The following ARHGAP39 variants were observed in gnomAD, a reference collection of about 807,000 sequenced individuals.
ARHGAP39 encodes rho GTPase-activating protein 39.
ARHGAP39 carries 44 observed loss-of-function variants against 106.9 expected under a neutral mutation model. The observed-to-expected ratio is 0.41, with a 90% CI of 0.32 to 0.53. ARHGAP39 has a LOEUF of 0.53. Ranked by LOEUF, ARHGAP39 falls within the 20% of genes least tolerant of loss-of-function variation. ARHGAP39 has a pLI of 0.21. For missense variants in ARHGAP39, 1,496 were observed against 1,577.3 expected, an observed-to-expected ratio of 0.95 and a Z score of 0.87; for synonymous variants, 768 against 693.2, an observed-to-expected ratio of 1.11 and a Z score of -1.69.
intron 3 of ARHGAP39, among the ~76,000 whole-genome samples, chr8:144,567,380 A>G (rs1818434079): frequency 6.6e-6 from 1 of 152,238 alleles, no homozygotes; most frequent in African/African-American, 2.4e-5. Flanking sequence ...TCCTTGGTCT[A>G]GCGGTAACGC....
At chr8:144,698,834 C>T in the ARHGAP39 span, 1 of 455,970 alleles carries the variant, frequency 2.2e-6, no homozygotes, top group South Asian at 1.5e-5. Flanking sequence ...GAGGACACAG[C>T]TTCACCTCTA....
the ARHGAP39 span, among the ~76,000 whole-genome samples, chr8:144,693,662 C>T: frequency 0.02 from 3,120 of 152,206 alleles, 100 homozygotes; most frequent in African/African-American, 0.072. Context: ...CGTGAGCCAC[C>T]GCGCCCAGCC....
upstream of ARHGAP39, among the ~76,000 whole-genome samples, chr8:144,688,763 C>T (rs1158376328): frequency 6.6e-6 from 1 of 152,138 alleles, no homozygotes; most frequent in Non-Finnish European, 1.5e-5. Flanking sequence ...GAACATAGCA[C>T]GCTCGTGGAC....
rs1821438679 is a variant in ARHGAP39, at chr8:144,646,173, C to A, written c.-82+39513G>T. On this transcript the variant is annotated intron_variant, in intron 1 of 11. Transcript: ENST00000377307. This position sits in a 1 kb window ranked among gnomAD's most constrained non-coding sequence, Gnocchi z 5.7. ...GAGCCTGCTGGAGGAAGGGCACAGG[C>A]CACCGGAGGGGATGTGGATGTTCTC... Among the ~76,000 whole-genome samples the A allele has an allele frequency of 6.6e-6, 1 of 152,186 alleles. No homozygotes were observed. Among genetic ancestry groups the A allele is most frequent in the South Asian group, 2.1e-4 (1 of 4,822 alleles).
chr8:144,623,384 T>C (rs2130970143), intron 1 of ARHGAP39, among the ~76,000 whole-genome samples: 1 of 152,334 alleles, frequency 6.6e-6, no homozygotes, highest in South Asian at 2.1e-4. Context: ...AGACAAAGAC[T>C]GTCAGCAAGA....
At position 144,533,995 on chromosome 8, in the gene ARHGAP39, C is replaced by T. The variant is rs574714146; in HGVS notation, c.2688+134G>A. Reference sequence around the variant, plus strand: ...GGTCAGCCTAGCGTACCCCGCCACCCGCCTAGGCGGGCTCCATGTGGCACC... The same window carrying T: ...GGTCAGCCTAGCGTACCCCGCCACCTGCCTAGGCGGGCTCCATGTGGCACC... On this transcript the variant is annotated intron_variant, in intron 8 of 11. Coordinates refer to ENST00000377307, the MANE Select transcript of ARHGAP39 (RefSeq NM_025251.3). 1,707 of 1,007,426 alleles carry T rather than the reference C, an allele frequency of 1.7e-3. 5 individuals are homozygous for T. The highest frequency in any genetic ancestry group is 2.2e-3 in the Non-Finnish European group (1,481 of 680,592). The allele number at this position is 1,007,426 out of a possible 1,614,324, so 62.4% of individuals were successfully genotyped here.
intron 1 of ARHGAP39, among the ~76,000 whole-genome samples, chr8:144,652,213 C>T (rs1012463410): frequency 5.9e-5 from 9 of 151,382 alleles, no homozygotes; most frequent in East Asian, 3.9e-4. Flanking sequence ...TGCAAGACCC[C>T]GTCTCAAAAA....
chr8:144,573,991 G>A (rs1439679910), intron 3 of ARHGAP39, among the ~76,000 whole-genome samples: 1 of 151,844 alleles, frequency 6.6e-6, no homozygotes, highest in Non-Finnish European at 1.5e-5. Flanking sequence ...TGGCCAACAT[G>A]GCAAAACCTC....
At chr8:144,619,760 G>A (rs1586619453) in intron 1 of ARHGAP39, among the ~76,000 whole-genome samples, 1 of 151,662 alleles carries the variant, frequency 6.6e-6, no homozygotes. Context: ...ACCTCAGTGT[G>A]TGCCCGTGTG....
At chr8:144,638,891 C>T (rs1821240710) in intron 1 of ARHGAP39, among the ~76,000 whole-genome samples, 1 of 152,218 alleles carries the variant, frequency 6.6e-6, no homozygotes, top group South Asian at 2.1e-4. Flanking sequence ...TCTTCTCTCC[C>T]ACTTCACCCA....
chr8:144,545,216 T>G, intron 6 of ARHGAP39, 33 bp downstream of exon 6: 38 of 1,480,406 alleles, frequency 2.6e-5, no homozygotes, highest in Non-Finnish European at 3.0e-5. Flanking sequence ...TGCCCTTACC[T>G]GAGCTGGTGG....
Position 144,602,244 on chromosome 8 carries a change from GGT to G in ARHGAP39, c.80+3289_80+3290del, listed in dbSNP as rs1205184700. ...GTGTACCTGTGTGCATGTGCGTGGA[GGT>G]GTGTGTGTGAGCTCATGTACCTGTG... On this transcript the variant is annotated intron_variant, in intron 2 of 11. Transcript: ENST00000377307. 5.7e-4 allele frequency among the ~76,000 whole-genome samples: 76 copies of G among 132,456 alleles called. 1 individual carries two copies. Among genetic ancestry groups the G allele is most frequent in the African/African-American group, 2.0e-3 (67 of 34,020 alleles). 86.9% of individuals were successfully genotyped at this position (132,456 alleles called of 152,430 possible).
At chr8:144,565,737 T>C (rs1818370811) in intron 3 of ARHGAP39, among the ~76,000 whole-genome samples, 1 of 151,988 alleles carries the variant, frequency 6.6e-6, no homozygotes, top group Non-Finnish European at 1.5e-5. Context: ...GTCAGAGAGC[T>C]GCAGGATGAC....
Position 144,530,284 on chromosome 8 carries a change from C to G in ARHGAP39, c.*138G>C. ...ACCAGGCAGAAGACGTGGGGAGCGCCGGGGCCAGGGGCCTGGGGGAGTGGA... is the reference window on the plus strand; with the variant it reads ...ACCAGGCAGAAGACGTGGGGAGCGCGGGGGCCAGGGGCCTGGGGGAGTGGA... On this transcript the variant is annotated 3_prime_UTR_variant, in exon 12 of 12. Coordinates refer to ENST00000377307, the MANE Select transcript of ARHGAP39 (RefSeq NM_025251.3). 1.0e-6 allele frequency: 1 copy of G among 959,944 alleles called. No homozygotes were observed. Among genetic ancestry groups the G allele is most frequent in the Non-Finnish European group, 1.5e-6 (1 of 661,350 alleles). The allele number at this position is 959,944 out of a possible 1,614,324, so 59.5% of individuals were successfully genotyped here. A position where few individuals can be genotyped will look rare whatever the true frequency, so the allele number is the denominator to read the frequency against.
At chr8:144,653,055 T>C (rs1303947886) in intron 1 of ARHGAP39, among the ~76,000 whole-genome samples, 1 of 152,148 alleles carries the variant, frequency 6.6e-6, no homozygotes, top group Non-Finnish European at 1.5e-5. Flanking sequence ...CCCAGCACTT[T>C]GGGAGGCTGA....
intron 1 of ARHGAP39, among the ~76,000 whole-genome samples, chr8:144,668,870 C>A (rs574135486): frequency 6.6e-6 from 1 of 152,114 alleles, no homozygotes; most frequent in Admixed American, 6.5e-5. Flanking sequence ...ATAGCCAAAA[C>A]AATCTTGAAA....
intron 6 of ARHGAP39, among the ~76,000 whole-genome samples, chr8:144,545,017 C>T (rs7003316): frequency 0.01 from 1,529 of 152,356 alleles, 25 homozygotes; most frequent in African/African-American, 0.035. Context: ...AGGCCCCAAG[C>T]CCTCGTGTCT....
At chr8:144,694,667 C>T in the ARHGAP39 span, among the ~76,000 whole-genome samples, 2 of 152,184 alleles carry the variant, frequency 1.3e-5, no homozygotes, top group African/African-American at 4.8e-5. Context: ...GATCTTCATG[C>T]TGGTGTCAGC....
chr8:144,543,458 G>C (rs554386599), intron 6 of ARHGAP39, among the ~76,000 whole-genome samples: 1 of 152,338 alleles, frequency 6.6e-6, no homozygotes, highest in African/African-American at 2.4e-5. Flanking sequence ...AGTGGATCCT[G>C]GGGCTGGAGA....
Sources: gnomAD v4.1 joint callset for allele counts (sites outside exome capture counted in the v4.1 genomes callset) on GRCh38, gnomAD v4.1.1 for gene constraint, Gnocchi (gnomAD v3.1) non-coding constraint, MANE v1.5 for transcripts, NCBI Gene and HGNC (gene_info 2026-07-23, HGNC 2026-07-21) for gene names.